The following EQTN variants were observed in gnomAD, a reference collection of about 807,000 sequenced individuals.
The protein encoded by EQTN is Acrosome formation associated factor.
EQTN carries 29 observed loss-of-function variants against 26.9 expected under a neutral mutation model. That is an observed-to-expected ratio of 1.08 (90% CI 0.80 to 1.47). The LOEUF (loss-of-function observed/expected upper bound fraction) is 1.47. EQTN is among the 40% of genes most tolerant of loss of function. The probability of loss-of-function intolerance (pLI) is 0.00; values close to 1 mark genes in which losing one functional copy is unlikely to be tolerated. For synonymous variants in EQTN, 129 were observed against 120.0 expected, an observed-to-expected ratio of 1.07 and a Z score of -0.49; for missense variants, 391 against 346.1, an observed-to-expected ratio of 1.13 and a Z score of -1.03.
intron 2 of EQTN, among the ~76,000 whole-genome samples, chr9:27,295,261 G>C (rs982979697): frequency 7.9e-5 from 12 of 152,058 alleles, no homozygotes; most frequent in African/African-American, 2.7e-4. Flanking sequence ...CTGAGACAGA[G>C]CTATGGAAAA....
intron 7 of EQTN, among the ~76,000 whole-genome samples, chr9:27,285,424 G>A (rs1049112182): frequency 6.6e-6 from 1 of 152,068 alleles, no homozygotes; most frequent in Non-Finnish European, 1.5e-5. Context: ...TTACAGGTGT[G>A]AGCCACCACG....
chr9:27,294,431 A>G, intron 2 of EQTN, 29 bp from the exon 3 acceptor site: 1 of 1,423,904 alleles, frequency 7.0e-7, no homozygotes, highest in Non-Finnish European at 9.7e-7. Context: ...GTCTTCAGCA[A>G]CTAGCTAAGT....
At chr9:27,295,925 C>A (rs1224721560) in intron 2 of EQTN, among the ~76,000 whole-genome samples, 1 of 147,478 alleles carries the variant, frequency 6.8e-6, no homozygotes, top group Non-Finnish European at 1.5e-5. Flanking sequence ...TTAGGCAAGA[C>A]ACAAAATGCA....
intron 6 of EQTN, among the ~76,000 whole-genome samples, chr9:27,287,645 G>A (rs1230055978): frequency 2.0e-5 from 3 of 152,038 alleles, no homozygotes; most frequent in Admixed American, 6.5e-5. Context: ...CACCTAACAC[G>A]TAGTATGTGC....
intron 2 of EQTN, among the ~76,000 whole-genome samples, chr9:27,295,831 CAAAAAAAAA>C (rs67401588): frequency 2.9e-5 from 2 of 69,294 alleles, no homozygotes; most frequent in Admixed American, 4.1e-4. Context: ...GACTCCGTCT[CAAAAAAAAA>C]AAAAAAAAAA....
At position 27,291,528 on chromosome 9, in the gene EQTN, T is replaced by G. The variant is rs896781232; in HGVS notation, c.377-465A>C. Among the ~76,000 whole-genome samples, 3 of 151,850 alleles carry G rather than the reference T, an allele frequency of 2.0e-5. No homozygotes were observed. In the South Asian group the frequency reaches 6.2e-4, roughly 31 times the overall value. The stretch of plus-strand genomic sequence containing the variant: ...CTGGGAGCTTCAGGTAAGTCTTGAG[T>G]GAAGGGTGTGGATGCAGAACGTAAC... On this transcript the variant is annotated intron_variant, in intron 4 of 7. Transcript: ENST00000380032.
chr9:27,291,053 T>TGGGGTTGATCCTGTTAAAACA lies in EQTN; in HGVS notation c.377-11_386dup (p.Pro129_Asn130insValLeuThrGlySerThrPro), dbSNP rs756380430. 6.2e-6 allele frequency: 10 copies of TGGGGTTGATCCTGTTAAAACA among 1,611,634 alleles called. No homozygotes were observed. In the East Asian group the frequency reaches 2.2e-4, roughly 36 times the overall value. On this transcript the variant is annotated inframe_insertion, in exon 5 of 8. Transcript: ENST00000380032. The stretch of plus-strand genomic sequence containing the variant: ...ACATTGTCCAAAATGCAGGCACGTT[T>TGGGGTTGATCCTGTTAAAACA]GGGGTTGATCCTGTTAAAACAAAAC...
intron 6 of EQTN, 125 bp downstream of exon 6, chr9:27,289,547 G>A: frequency 1.6e-6 from 1 of 616,162 alleles, no homozygotes; most frequent in Non-Finnish European, 2.6e-6. Flanking sequence ...AAAGGTTTTT[G>A]TCATGTTGCC....
intron 5 of EQTN, among the ~76,000 whole-genome samples, chr9:27,290,659 T>A (rs1022530048): frequency 2.6e-5 from 4 of 152,252 alleles, no homozygotes; most frequent in African/African-American, 4.8e-5. Flanking sequence ...CTTTTATGCA[T>A]GCATATATTT....
Position 27,292,457 on chromosome 9 carries a change from T to C in EQTN, c.320A>G (p.Lys107Arg), listed in dbSNP as rs1820255967. The change falls in exon 4 of 8, where the codon AAA becomes AGA. Residue 107 changes from lysine to arginine, a missense_variant. Coordinates refer to ENST00000380032, the MANE Select transcript of EQTN (RefSeq NM_020641.3). ...AGTTGTTTCTTCTTCAATGGTGGAT[T>C]TTTCATATGTAGTTGCATTGACAGT... ...DKTVNATTYE[K>R]STIEEETTTS... 6.2e-7 allele frequency: 1 copy of C among 1,608,796 alleles called. No homozygotes were observed. Among genetic ancestry groups the C allele is most frequent in the African/African-American group, 1.3e-5 (1 of 74,854 alleles).
In EQTN at chr9:27,289,652, T is replaced by A. The variant is rs375315554; in HGVS notation, c.481+20A>T. On this transcript the variant is annotated intron_variant, in intron 6 of 7. Coordinates refer to ENST00000380032, the MANE Select transcript of EQTN (RefSeq NM_020641.3). ...GGCATTAGCCACTGCACCCAGTCAA[T>A]TGAAATATTTTGTTCTTACCTGGAA... 11 of 1,591,456 alleles carry A rather than the reference T, an allele frequency of 6.9e-6. No homozygotes were observed. Among genetic ancestry groups the A allele is most frequent in the Non-Finnish European group, 9.4e-6 (11 of 1,166,870 alleles).
chr9:27,294,662 A>G (rs1820302244), intron 2 of EQTN, among the ~76,000 whole-genome samples: 1 of 152,204 alleles, frequency 6.6e-6, no homozygotes, highest in African/African-American at 2.4e-5. Flanking sequence ...TGTGGAAAAA[A>G]ATATGTAAGC....
Position 27,284,910 on chromosome 9 carries a change from T to A in EQTN, c.698A>T (p.His233Leu), listed in dbSNP as rs755605682. The A allele has an allele frequency of 1.2e-6, 2 of 1,614,070 alleles. No individual in the cohort carries two copies. The highest frequency in any genetic ancestry group is 2.2e-5 in the East Asian group (1 of 44,888). The change falls in exon 8 of 8, where the codon CAT (histidine) becomes CTT (leucine). Residue 233 changes from histidine (H) to leucine (L), a missense_variant. Transcript: ENST00000380032. ...TGTATCTGAAACACCTTCTGATGGA[T>A]GAAAGTAAGACATCGTGGCCAGCTC... ...NPELATMSYFHPSEGVSDTSF... is the reference protein window; with the variant it reads ...NPELATMSYFLPSEGVSDTSF...
Position 27,284,704 on chromosome 9 carries a change from A to G in EQTN, c.*19T>C. 1 of 1,601,600 alleles carries G rather than the reference A, an allele frequency of 6.2e-7. No individual in the cohort carries two copies. The highest frequency in any genetic ancestry group is 8.5e-7 in the Non-Finnish European group (1 of 1,174,306). ...ATTTATTCATCAATAAGATTTCTTC[A>G]CCGGGTTCCTTGATTTCTTCACCGG... On this transcript the variant is annotated 3_prime_UTR_variant, in exon 8 of 8. Coordinates refer to ENST00000380032, the MANE Select transcript of EQTN (RefSeq NM_020641.3).
Position 27,296,722 on chromosome 9 carries a change from T to A in EQTN, c.93A>T (p.Leu31=). 1 of 1,609,850 alleles carries A rather than the reference T, an allele frequency of 6.2e-7. No homozygotes were observed. Among genetic ancestry groups the A allele is most frequent in the African/African-American group, 1.3e-5 (1 of 74,804 alleles). The change falls in exon 2 of 8, where the codon CTA becomes CTT. Residue 31 remains leucine, a synonymous_variant. Transcript: ENST00000380032. ...KPTIEALPNV[L]PLNEDVNKQE... is the part of the protein sequence containing the mutation. ...GCTTATTAACATCTTCATTTAAAGG[T>A]AGCACATTAGGCAATGCTAAAAAAA...
chr9:27,291,639 C>A (rs752213548), intron 4 of EQTN, among the ~76,000 whole-genome samples: 3 of 152,106 alleles, frequency 2.0e-5, no homozygotes, highest in Admixed American at 1.3e-4. Context: ...TGACCTCAAA[C>A]TTAGTAGTAA....
chr9:27,292,804 A>T (rs1024387905), intron 3 of EQTN, among the ~76,000 whole-genome samples: 4 of 152,232 alleles, frequency 2.6e-5, no homozygotes, highest in African/African-American at 9.6e-5. Flanking sequence ...AATTGGCTCC[A>T]GATGGTTCCC....
intron 7 of EQTN, 32 bp from the exon 8 acceptor site, chr9:27,285,004 G>GT: frequency 6.4e-7 from 1 of 1,572,716 alleles, no homozygotes; most frequent in Non-Finnish European, 8.6e-7. Context: ...ATCAAGAATT[G>GT]TTTTTAATTG....
chr9:27,291,464 C>T (rs552205766), intron 4 of EQTN, among the ~76,000 whole-genome samples: 48 of 152,276 alleles, frequency 3.2e-4, no homozygotes, highest in African/African-American at 1.1e-3. Flanking sequence ...TCATTCCAGC[C>T]GTGAGCAAAC....
Sources: gnomAD v4.1 joint callset for allele counts (sites outside exome capture counted in the v4.1 genomes callset) on GRCh38, gnomAD v4.1.1 for gene constraint, MANE v1.5 for transcripts, NCBI Gene and HGNC (gene_info 2026-07-23, HGNC 2026-07-21) for gene names.